HDAC4: variants seen among roughly 807,000 people sequenced by gnomAD.
HDAC4 encodes the protein histone deacetylase 4.
A neutral mutation model predicts 135.1 loss-of-function variants in HDAC4; 16 were observed. The observed-to-expected ratio is 0.12, with a 90% CI of 0.08 to 0.18. HDAC4 has a LOEUF of 0.18. Among genes scored for constraint, HDAC4 ranks in the 10% least tolerant of loss-of-function variants. The probability of loss-of-function intolerance (pLI) is 1.00; values close to 1 mark genes in which losing one functional copy is unlikely to be tolerated. For missense variants in HDAC4, 1,143 were observed against 1,511.8 expected (o/e 0.76, Z 4.05); for synonymous variants, 685 against 653.4 (o/e 1.05, Z -0.74).
chr2:239,276,360 C>T (rs1308759523), intron 2 of HDAC4, among the ~76,000 whole-genome samples: 1 of 152,246 alleles, frequency 6.6e-6, no homozygotes, highest in African/African-American at 2.4e-5. Context: ...GCCCCTCTGC[C>T]TCCAGCTCCC....
intron 7 of HDAC4, among the ~76,000 whole-genome samples, chr2:239,152,782 G>T (rs563624370): frequency 4.6e-5 from 7 of 152,284 alleles, no homozygotes. Context: ...CAAGGAGGTG[G>T]GGGGATGCTG....
At chr2:239,361,899 T>A (rs1693892166) in intron 1 of HDAC4, among the ~76,000 whole-genome samples, 1 of 152,238 alleles carries the variant, frequency 6.6e-6, no homozygotes, top group African/African-American at 2.4e-5. Context: ...ATTAGAGAAC[T>A]ACGATGATCA....
rs1243234106 is a variant in HDAC4 at position 239,115,652 on chromosome 2, G to A, written c.1534-342C>T. Among the ~76,000 whole-genome samples the A allele has an allele frequency of 6.6e-6, 1 of 152,044 alleles. No homozygotes were observed. Among genetic ancestry groups the A allele is most frequent in the Non-Finnish European group, 1.5e-5 (1 of 67,994 alleles). On this transcript the variant is annotated intron_variant, in intron 12 of 26. Transcript: ENST00000543185. The surrounding 1 kb of genome is among the most constrained non-coding windows in gnomAD (Gnocchi z 6.3). ...GCAGGTGTCAACAGAGTCTGCAGAG[G>A]AGAGCTTGAGTGTGAAGGGGAGAGG...
At chr2:239,316,113 C>T (rs1322005507) in intron 2 of HDAC4, among the ~76,000 whole-genome samples, 1 of 152,170 alleles carries the variant, frequency 6.6e-6, no homozygotes, top group African/African-American at 2.4e-5. Context: ...CTGAAATATC[C>T]TTCATCTACC....
chr2:239,094,322 C>A (rs1574999293), intron 17 of HDAC4: 2 of 985,468 alleles, frequency 2.0e-6, no homozygotes, highest in East Asian at 2.3e-4. Flanking sequence ...ATTGCAAGAC[C>A]TGACCCTTCC....
chr2:239,377,292 G>A (rs1695080617), intron 1 of HDAC4, among the ~76,000 whole-genome samples: 1 of 152,230 alleles, frequency 6.6e-6, no homozygotes, highest in Admixed American at 6.5e-5. Flanking sequence ...CCAGGGCGCT[G>A]TCCACACAGG....
chr2:239,187,440 A>T (rs1262307679), intron 4 of HDAC4, among the ~76,000 whole-genome samples: 1 of 152,248 alleles, frequency 6.6e-6, no homozygotes, highest in Non-Finnish European at 1.5e-5. Flanking sequence ...CTCTTCGCAG[A>T]TCATGGAAAG....
At chr2:239,361,835 T>C (rs949902526) in intron 1 of HDAC4, among the ~76,000 whole-genome samples, 1 of 152,238 alleles carries the variant, frequency 6.6e-6, no homozygotes, top group Non-Finnish European at 1.5e-5. Context: ...GACTTAAGCA[T>C]GATCTAGTTC....
chr2:239,250,855 A>G (rs2048745617), intron 2 of HDAC4, among the ~76,000 whole-genome samples: 1 of 152,208 alleles, frequency 6.6e-6, no homozygotes, highest in African/African-American at 2.4e-5. Context: ...AAGAGCTGCC[A>G]GAGATGGGAC....
intron 3 of HDAC4, among the ~76,000 whole-genome samples, chr2:239,216,828 C>T (rs1292538397): frequency 1.3e-5 from 2 of 152,148 alleles, no homozygotes; most frequent in Non-Finnish European, 2.9e-5. Context: ...GGGTTCCACC[C>T]GCCATACTCG....
intron 24 of HDAC4, among the ~76,000 whole-genome samples, chr2:239,064,338 TGGG>T (rs1469132234): frequency 6.6e-6 from 1 of 152,180 alleles, no homozygotes; most frequent in Non-Finnish European, 1.5e-5. Context: ...GCAGCCCTGC[TGGG>T]GGCGGGGGAG....
intron 1 of HDAC4, among the ~76,000 whole-genome samples, chr2:239,358,165 C>T (rs1693632666): frequency 6.6e-6 from 1 of 152,130 alleles, no homozygotes; most frequent in Non-Finnish European, 1.5e-5. Context: ...ATCCAAATCA[C>T]CTCCTTTTTG....
At chr2:239,175,848 C>T (rs1486615873) in intron 5 of HDAC4, among the ~76,000 whole-genome samples, 1 of 152,166 alleles carries the variant, frequency 6.6e-6, no homozygotes, top group Non-Finnish European at 1.5e-5. Context: ...TTAAATCAAA[C>T]CAAAAGTCGG....
intron 7 of HDAC4, among the ~76,000 whole-genome samples, chr2:239,152,866 G>C (rs2042200770): frequency 6.6e-6 from 1 of 152,218 alleles, no homozygotes; most frequent in Admixed American, 6.5e-5. Flanking sequence ...AACAAGAGCA[G>C]AAAACACCTC....
At chr2:239,397,139 A>C (rs1289646409) in intron 1 of HDAC4, among the ~76,000 whole-genome samples, 1 of 152,236 alleles carries the variant, frequency 6.6e-6, no homozygotes, top group Non-Finnish European at 1.5e-5. Flanking sequence ...CTTCTCTAAG[A>C]GGCTGTGTTC....
chr2:239,314,760 G>A (rs1419515913), intron 2 of HDAC4, among the ~76,000 whole-genome samples: 2 of 152,190 alleles, frequency 1.3e-5, no homozygotes, highest in Non-Finnish European at 2.9e-5. Flanking sequence ...AGACGTTAGA[G>A]GACTGGAAGG....
chr2:239,122,730 C>T (rs975268865), intron 12 of HDAC4, among the ~76,000 whole-genome samples: 2 of 152,240 alleles, frequency 1.3e-5, no homozygotes, highest in African/African-American at 2.4e-5. Flanking sequence ...CTGCAGGGAA[C>T]ACCAGGGCTA....
rs1035247688 is a variant in HDAC4, at chr2:239,052,819, C to T, written c.*278G>A. On this transcript the variant is annotated 3_prime_UTR_variant, in exon 27 of 27. Transcript: ENST00000543185. ...CTTCCACGGCGTCCCTTGCGGGACC[C>T]GCCAGAGTGTGCTTGGCTTCCGCGT... 3.6e-5 allele frequency: 18 copies of T among 495,662 alleles called. No individual in the cohort carries two copies. The highest frequency in any genetic ancestry group is 7.0e-5 in the Admixed American group (2 of 28,748). 30.7% of individuals were successfully genotyped at this position (495,662 alleles called of 1,614,324 possible). A position where few individuals can be genotyped will look rare whatever the true frequency, so the allele number is the denominator to read the frequency against.
At chr2:239,368,051 T>C (rs903403279) in intron 1 of HDAC4, among the ~76,000 whole-genome samples, 4 of 152,178 alleles carry the variant, frequency 2.6e-5, no homozygotes, top group African/African-American at 7.2e-5. Context: ...TCTCATTATG[T>C]ATACGCAAAT....
Sources: gnomAD v4.1 joint callset for allele counts (sites outside exome capture counted in the v4.1 genomes callset) on GRCh38, gnomAD v4.1.1 for gene constraint, Gnocchi (gnomAD v3.1) non-coding constraint, MANE v1.5 for transcripts, NCBI Gene and HGNC (gene_info 2026-07-23, HGNC 2026-07-21) for gene names.